The following PHF21A variants were observed in gnomAD, a reference collection of about 807,000 sequenced individuals.
PHF21A encodes the protein BHC80a.
Under a neutral mutation model 82.5 loss-of-function variants are expected in PHF21A, and 11 were observed. The ratio of observed to expected loss-of-function variants is 0.13; its 90% CI spans 0.08 to 0.22. The LOEUF is 0.22. Ranked by LOEUF, PHF21A falls within the 10% of genes least tolerant of loss-of-function variation. The probability of loss-of-function intolerance (pLI) is 1.00; values close to 1 mark genes in which losing one functional copy is unlikely to be tolerated. For synonymous variants in PHF21A, 297 were observed against 302.8 expected, an observed-to-expected ratio of 0.98 and a Z score of 0.20; for missense variants, 579 against 837.8, an observed-to-expected ratio of 0.69 and a Z score of 3.81.
chr11:45,970,130 T>C, intron 8 of PHF21A: 1 of 469,240 alleles, frequency 2.1e-6, no homozygotes, highest in Non-Finnish European at 3.8e-6. Flanking sequence ...CTCCTACACC[T>C]AATGGAGAAC....
At chr11:46,040,125 T>C (rs1035283695) in intron 6 of PHF21A, among the ~76,000 whole-genome samples, 1 of 152,236 alleles carries the variant, frequency 6.6e-6, no homozygotes, top group Admixed American at 6.5e-5. Flanking sequence ...GGTTACTAGA[T>C]GTGGTTTCTT....
intron 7 of PHF21A, among the ~76,000 whole-genome samples, chr11:45,978,824 C>T (rs2136261918): frequency 6.6e-6 from 1 of 152,188 alleles, no homozygotes; most frequent in South Asian, 2.1e-4. Context: ...AAATTGTATG[C>T]TTGTTTAAAT....
chr11:45,986,486 G>A (rs1051220194), intron 6 of PHF21A, among the ~76,000 whole-genome samples: 59 of 152,070 alleles, frequency 3.9e-4, no homozygotes, highest in African/African-American at 1.3e-3. Flanking sequence ...TGTAACATAC[G>A]ACGATGCTGC....
chr11:46,063,121 G>A (rs750716760), intron 6 of PHF21A, among the ~76,000 whole-genome samples: 3 of 152,112 alleles, frequency 2.0e-5, no homozygotes, highest in African/African-American at 4.8e-5. Flanking sequence ...GAATAGAGAC[G>A]AAGAGAATAA....
At chr11:46,060,635 T>C (rs537818658) in intron 6 of PHF21A, among the ~76,000 whole-genome samples, 2 of 152,240 alleles carry the variant, frequency 1.3e-5, no homozygotes, top group South Asian at 4.1e-4. Context: ...GAAAAGTGTC[T>C]GTTCGTGTCC....
At chr11:45,953,468 T>C in intron 11 of PHF21A, 59 bp downstream of exon 11, 1 of 1,007,258 alleles carries the variant, frequency 9.9e-7, no homozygotes, top group Non-Finnish European at 1.6e-6. Flanking sequence ...CCCCTCCTGG[T>C]ACATGAGAAT....
At chr11:45,951,689 C>T (rs1260971967) in intron 11 of PHF21A, among the ~76,000 whole-genome samples, 1 of 152,114 alleles carries the variant, frequency 6.6e-6, no homozygotes, top group African/African-American at 2.4e-5. Flanking sequence ...CAGATGCACC[C>T]TCTTTTAAGC....
intron 6 of PHF21A, among the ~76,000 whole-genome samples, chr11:46,074,933 C>A (rs921888594): frequency 1.3e-5 from 2 of 152,192 alleles, no homozygotes; most frequent in Non-Finnish European, 2.9e-5. Flanking sequence ...TTTTCTGTTC[C>A]ATCAAGAAGG....
rs368545798 is a variant in PHF21A, at chr11:45,935,788, C to G, written c.1685-49G>C. On this transcript the variant is annotated intron_variant, in intron 17 of 18. Transcript: ENST00000676320. ...AAGGAACGGTTTTTGACAATTAATT[C>G]TTTGAAATGTCCTCTGTGCTCAGAA... 7.0e-4 allele frequency: 571 copies of G among 816,522 alleles called. 2 individuals are homozygous for G. The highest frequency in any genetic ancestry group is 1.1e-3 in the Non-Finnish European group (544 of 516,086). The allele number at this position is 816,522 out of a possible 1,614,324, so 50.6% of individuals were successfully genotyped here.
intron 18 of PHF21A, chr11:45,934,850 T>C (rs753517625): frequency 2.5e-5 from 9 of 355,416 alleles, no homozygotes; most frequent in African/African-American, 4.3e-5. Context: ...GCTTCTATTT[T>C]AGGCAGGGAA....
intron 7 of PHF21A, among the ~76,000 whole-genome samples, chr11:45,973,413 A>C (rs1279372692): frequency 2.0e-5 from 3 of 152,182 alleles, no homozygotes; most frequent in Non-Finnish European, 4.4e-5. Context: ...ACTTATCTCT[A>C]TTTTTCTGCC....
In PHF21A at chr11:46,001,938, A is replaced by G. The variant is rs114707204; in HGVS notation, c.154-21972T>C. Among the ~76,000 whole-genome samples, 581 of 152,360 alleles carry G rather than the reference A, an allele frequency of 3.8e-3. 4 individuals are homozygous for G. The highest frequency in any genetic ancestry group is 0.014 in the African/African-American group (563 of 41,588). On this transcript the variant is annotated intron_variant, in intron 6 of 18. Coordinates refer to ENST00000676320, the MANE Select transcript of PHF21A (RefSeq NM_001352027.3). ...CAAATCAAATTAAGGCAGAGTTAGCACTACTTCATAAAAACTAGATGGGGA... is the reference window on the plus strand; with the variant it reads ...CAAATCAAATTAAGGCAGAGTTAGCGCTACTTCATAAAAACTAGATGGGGA...
chr11:46,013,395 T>G (rs1468869522), intron 6 of PHF21A, among the ~76,000 whole-genome samples: 1 of 152,162 alleles, frequency 6.6e-6, no homozygotes, highest in Non-Finnish European at 1.5e-5. Flanking sequence ...CACAGTGCTG[T>G]GTTCAAGTAA....
chr11:45,948,992 A>G (rs773482080), intron 13 of PHF21A, 46 bp from the exon 14 acceptor site: 1 of 1,446,704 alleles, frequency 6.9e-7, no homozygotes, highest in Admixed American at 1.7e-5. Flanking sequence ...TAGTGTGGTT[A>G]TTACTAATAC....
At chr11:45,976,337 A>G (rs2094020872) in intron 7 of PHF21A, among the ~76,000 whole-genome samples, 1 of 152,098 alleles carries the variant, frequency 6.6e-6, no homozygotes, top group Non-Finnish European at 1.5e-5. Context: ...ATTTCTCTAC[A>G]TCTTAAATTT....
At chr11:45,976,620 T>A (rs1253354826) in intron 7 of PHF21A, among the ~76,000 whole-genome samples, 2 of 152,270 alleles carry the variant, frequency 1.3e-5, no homozygotes, top group East Asian at 3.9e-4. Context: ...GATGGGTGGA[T>A]CACTTGAGCT....
At chr11:45,968,857 GT>G (rs1476750874) in intron 9 of PHF21A, among the ~76,000 whole-genome samples, 2 of 150,734 alleles carry the variant, frequency 1.3e-5, no homozygotes. Flanking sequence ...CTTGAACCTG[GT>G]GGGTGGAGAT....
intron 6 of PHF21A, 134 bp from the exon 7 acceptor site, chr11:45,980,100 AC>A (rs1167274869): frequency 7.8e-7 from 1 of 1,287,542 alleles, no homozygotes; most frequent in Non-Finnish European, 1.1e-6. Flanking sequence ...CACAGGTTCT[AC>A]ATATGAAGAG....
intron 6 of PHF21A, among the ~76,000 whole-genome samples, chr11:46,028,536 A>C (rs1268667444): frequency 2.0e-5 from 3 of 148,750 alleles, no homozygotes; most frequent in Non-Finnish European, 4.5e-5. Context: ...TTAAGTTTAC[A>C]TGCTAAAATA....
Sources: gnomAD v4.1 joint callset for allele counts (sites outside exome capture counted in the v4.1 genomes callset) on GRCh38, gnomAD v4.1.1 for gene constraint, MANE v1.5 for transcripts, NCBI Gene and HGNC (gene_info 2026-07-23, HGNC 2026-07-21) for gene names.